Variants in SLC7A1 observed in about 807,000 individuals in gnomAD.
SLC7A1 encodes the protein solute carrier family 7 member 1.
A neutral mutation model predicts 53.9 loss-of-function variants in SLC7A1; 10 were observed. The observed-to-expected ratio is 0.19, with a 90% confidence interval of 0.11 to 0.31. SLC7A1 has a LOEUF of 0.31. Among genes scored for constraint, SLC7A1 ranks in the 10% least tolerant of loss-of-function variants. The pLI, the probability that SLC7A1 is intolerant of heterozygous loss-of-function variation, is 1.00. For missense variants in SLC7A1, 525 were observed against 827.2 expected, an observed-to-expected ratio of 0.63 and a Z score of 4.48; for synonymous variants, 342 against 338.7, an observed-to-expected ratio of 1.01 and a Z score of -0.11.
intron 1 of SLC7A1, among the ~76,000 whole-genome samples, chr13:29,571,009 A>G (rs1321533503): frequency 6.6e-6 from 1 of 152,218 alleles, no homozygotes; most frequent in African/African-American, 2.4e-5. Flanking sequence ...CTATATTACT[A>G]TTATTAGTTT....
chr13:29,582,644 G>C (rs557539219), intron 1 of SLC7A1, among the ~76,000 whole-genome samples: 1 of 152,284 alleles, frequency 6.6e-6, no homozygotes, highest in East Asian at 1.9e-4. Flanking sequence ...GTGACCCTGA[G>C]AGCTGGTTAG....
intron 2 of SLC7A1, among the ~76,000 whole-genome samples, chr13:29,546,200 G>A (rs1010427520): frequency 6.6e-6 from 1 of 152,210 alleles, no homozygotes; most frequent in African/African-American, 2.4e-5. Flanking sequence ...CAACCAGGGA[G>A]CTGGCCCTAC....
intron 1 of SLC7A1, among the ~76,000 whole-genome samples, chr13:29,563,091 C>T (rs13378570): frequency 0.065 from 9,960 of 152,262 alleles, 401 homozygotes; most frequent in Middle Eastern, 0.16. Flanking sequence ...CGAGAGAGGC[C>T]GGGAGGACAG....
intron 1 of SLC7A1, among the ~76,000 whole-genome samples, chr13:29,559,861 G>A (rs1156478034): frequency 2.6e-5 from 4 of 151,832 alleles, no homozygotes; most frequent in South Asian, 2.1e-4. Context: ...GACTACAGGC[G>A]CCCGCCACCG....
At chr13:29,588,942 G>A (rs1432357217) in intron 1 of SLC7A1, among the ~76,000 whole-genome samples, 1 of 152,174 alleles carries the variant, frequency 6.6e-6, no homozygotes, top group Non-Finnish European at 1.5e-5. Context: ...CCTTCACTGG[G>A]TCCCAGAAAC....
At chr13:29,544,139 A>G (rs904637160) in intron 2 of SLC7A1, among the ~76,000 whole-genome samples, 4 of 152,244 alleles carry the variant, frequency 2.6e-5, no homozygotes, top group Non-Finnish European at 5.9e-5. Context: ...ATGCTGTCTC[A>G]GGAAGGAACC....
rs941656608 is a variant in SLC7A1, at chr13:29,524,316, G to A, written c.705-63C>T. ...GCTGCGCAGTCTGGCGTAAGGAGCT[G>A]TGCTCATCTCCTGATATGAGCGGAA... is the stretch of plus-strand genomic sequence containing the variant. On this transcript the variant is annotated intron_variant, in intron 5 of 12. Transcript: ENST00000380752. 3.1e-6 allele frequency: 5 copies of A among 1,603,682 alleles called. No homozygotes were observed. In the African/African-American group the frequency reaches 4.0e-5, roughly 13 times the overall value.
chr13:29,562,892 T>C (rs1870820815), intron 1 of SLC7A1, among the ~76,000 whole-genome samples: 1 of 152,186 alleles, frequency 6.6e-6, no homozygotes. Flanking sequence ...ATAATTAAAA[T>C]TACTCCAGCT....
At chr13:29,532,270 G>A (rs900170457) in intron 4 of SLC7A1, among the ~76,000 whole-genome samples, 8 of 152,240 alleles carry the variant, frequency 5.3e-5, no homozygotes, top group African/African-American at 1.4e-4. Context: ...GCCATCAGCT[G>A]TGTTCAGGCA....
intron 1 of SLC7A1, among the ~76,000 whole-genome samples, chr13:29,581,283 G>A (rs780256975): frequency 3.9e-5 from 6 of 152,116 alleles, no homozygotes; most frequent in East Asian, 1.9e-4. Context: ...TTTCACAGGC[G>A]TTTGCAGAAA....
rs1870394732 is a variant in SLC7A1 at position 29,555,387 on chromosome 13, A to ACATTGTGT, written c.-114-1535_-114-1528dup. 2.1e-5 allele frequency among the ~76,000 whole-genome samples: 3 copies of ACATTGTGT among 144,458 alleles called. No individual in the cohort carries two copies. In the South Asian group the frequency reaches 6.9e-4, roughly 33 times the overall value. 94.8% of individuals were successfully genotyped at this position (144,458 alleles called of 152,430 possible). On this transcript the variant is annotated intron_variant, in intron 1 of 12. Coordinates refer to ENST00000380752, the MANE Select transcript of SLC7A1 (RefSeq NM_003045.5). ...AAAAAAAAAAAAAAAAAAAAGAATT[A>ACATTGTGT]CATTGTGTTACCAAACTGTAATGCC...
chr13:29,568,312 AT>A (rs1216862464), intron 1 of SLC7A1, among the ~76,000 whole-genome samples: 1 of 152,154 alleles, frequency 6.6e-6, no homozygotes, highest in African/African-American at 2.4e-5. Context: ...TCTTTTAATA[AT>A]TTAGGCAAAT....
At chr13:29,577,953 A>G (rs573808794) in intron 1 of SLC7A1, among the ~76,000 whole-genome samples, 35 of 152,230 alleles carry the variant, frequency 2.3e-4, no homozygotes, top group African/African-American at 8.4e-4. Context: ...TCAGTTTGTC[A>G]CCAGCTGTGG....
At chr13:29,556,972 A>C (rs989096826) in intron 1 of SLC7A1, among the ~76,000 whole-genome samples, 10 of 152,232 alleles carry the variant, frequency 6.6e-5, no homozygotes, top group African/African-American at 4.8e-5. Flanking sequence ...CTAAACTTAA[A>C]AGTCTAAAGA....
chr13:29,516,641 T>C (rs1052601560), intron 11 of SLC7A1, among the ~76,000 whole-genome samples: 1 of 152,226 alleles, frequency 6.6e-6, no homozygotes, highest in Admixed American at 6.5e-5. Flanking sequence ...TCTCCAAGGC[T>C]TGGAAAACTC....
At chr13:29,574,730 C>T (rs188166313) in intron 1 of SLC7A1, among the ~76,000 whole-genome samples, 154 of 150,846 alleles carry the variant, frequency 1.0e-3, no homozygotes, top group African/African-American at 3.3e-3. Flanking sequence ...CTGCAAGCTC[C>T]GCCTCCTGGG....
intron 2 of SLC7A1, among the ~76,000 whole-genome samples, chr13:29,549,960 G>A (rs1870099199): frequency 6.6e-6 from 1 of 152,208 alleles, no homozygotes; most frequent in Non-Finnish European, 1.5e-5. Context: ...ACCATGCCCA[G>A]CCACTTCTAT....
intron 1 of SLC7A1, among the ~76,000 whole-genome samples, chr13:29,555,357 C>CAAAAAAAAAAAAAAAAAAAAAAAAAAA (rs538934310): frequency 1.1e-4 from 2 of 18,778 alleles, no homozygotes; most frequent in Admixed American, 9.3e-4. Context: ...GACTCCGTCT[C>CAAAAAAAAAAAAAAAAAAAAAAAAAAA]AAAAAAAAAA....
At chr13:29,562,630 G>A (rs1870810092) in intron 1 of SLC7A1, among the ~76,000 whole-genome samples, 1 of 152,118 alleles carries the variant, frequency 6.6e-6, no homozygotes, top group Admixed American at 6.6e-5. Context: ...ACTAACATAT[G>A]CATTACCTCG....
Sources: gnomAD v4.1 joint callset for allele counts (sites outside exome capture counted in the v4.1 genomes callset) on GRCh38, gnomAD v4.1.1 for gene constraint, MANE v1.5 for transcripts, NCBI Gene and HGNC (gene_info 2026-07-23, HGNC 2026-07-21) for gene names.